Variants in PRKD1 observed in about 807,000 individuals in gnomAD.
PRKD1 encodes protein kinase D1.
PRKD1 carries 63 observed loss-of-function variants against 95.9 expected under a neutral mutation model. That is an observed-to-expected ratio of 0.66 (90% CI 0.54 to 0.81). The LOEUF is 0.81. Among genes scored for constraint, PRKD1 ranks in the 30% least tolerant of loss-of-function variants. The pLI is 0.00. For synonymous variants in PRKD1, 425 were observed against 423.1 expected, an observed-to-expected ratio of 1.00 and a Z score of -0.05; for missense variants, 1,048 against 1,165.3, an observed-to-expected ratio of 0.90 and a Z score of 1.47.
chr14:29,692,661 T>C (rs1247833193), intron 2 of PRKD1, among the ~76,000 whole-genome samples: 2 of 150,980 alleles, frequency 1.3e-5, no homozygotes, highest in Non-Finnish European at 3.0e-5. Context: ...TGTACCCATT[T>C]AAAAAAAAAG....
At chr14:29,925,289 T>C (rs548570116) in intron 1 of PRKD1, among the ~76,000 whole-genome samples, 5 of 152,332 alleles carry the variant, frequency 3.3e-5, no homozygotes, top group Admixed American at 6.5e-5. Flanking sequence ...TTCGGTGCTC[T>C]TTCTGCCATA....
At chr14:29,877,811 A>G (rs1893353343) in intron 1 of PRKD1, among the ~76,000 whole-genome samples, 1 of 152,232 alleles carries the variant, frequency 6.6e-6, no homozygotes, top group Admixed American at 6.5e-5. Flanking sequence ...ATATACCCAA[A>G]GGAATATAAA....
intron 16 of PRKD1, among the ~76,000 whole-genome samples, chr14:29,594,992 C>T (rs1893250322): frequency 6.9e-6 from 1 of 145,730 alleles, no homozygotes; most frequent in Admixed American, 6.9e-5. Flanking sequence ...AGCTAGGTAA[C>T]TTTTTTTTTT....
chr14:29,600,016 A>G (rs1893459115), intron 13 of PRKD1, among the ~76,000 whole-genome samples, 199 bp from the exon 14 acceptor site: 1 of 152,176 alleles, frequency 6.6e-6, no homozygotes, highest in Non-Finnish European at 1.5e-5. Flanking sequence ...TTTACTTTCT[A>G]TGCGTAGTGA....
intron 1 of PRKD1, among the ~76,000 whole-genome samples, chr14:29,814,271 G>A (rs958297726): frequency 6.6e-6 from 1 of 152,176 alleles, no homozygotes; most frequent in African/African-American, 2.4e-5. Context: ...CCCCAGTCAG[G>A]TGTAGGTATG....
intron 2 of PRKD1, among the ~76,000 whole-genome samples, chr14:29,697,768 TAACA>T (rs1884609245): frequency 1.3e-5 from 2 of 152,182 alleles, no homozygotes; most frequent in Admixed American, 6.5e-5. Context: ...TTTTTAACTT[TAACA>T]AACAGTAAGC....
At position 29,927,446 on chromosome 14, in the gene PRKD1, C is replaced by T; in HGVS notation, c.67G>A (p.Ala23Thr). The T allele has an allele frequency of 2.4e-5, 32 of 1,320,294 alleles. No homozygotes were observed. Among genetic ancestry groups the T allele is most frequent in the Non-Finnish European group, 3.1e-5 (32 of 1,038,646 alleles). 81.8% of individuals were successfully genotyped at this position (1,320,294 alleles called of 1,614,324 possible). ...LLPVAAAAAA[A>T]AAALVPGSGP... ...GACCCTGGGACCAGTGCGGCGGCCG[C>T]TGCGGCAGCTGCCGCCGCCACGGGC... The change falls in exon 1 of 18, where the codon GCG becomes ACG. Residue 23 changes from alanine (A) to threonine (T), a missense_variant. Coordinates refer to ENST00000331968, the MANE Select transcript of PRKD1 (RefSeq NM_002742.3).
rs201616182 is a variant in PRKD1, at chr14:29,826,466, A to ATG, written c.264+100782_264+100783insCA. ...TATATACATATATATGATGGAATAT[A>ATG]TATACATATATATGATGGAATATAT... On this transcript the variant is annotated intron_variant, in intron 1 of 17. Transcript: ENST00000331968. Among the ~76,000 whole-genome samples, 67 of 59,786 alleles carry ATG rather than the reference A, an allele frequency of 1.1e-3. 9 individuals carry two copies. The highest frequency in any genetic ancestry group is 3.0e-3 in the Admixed American group (12 of 4,028). 39.2% of individuals were successfully genotyped at this position (59,786 alleles called of 152,430 possible).
intron 1 of PRKD1, among the ~76,000 whole-genome samples, chr14:29,903,154 T>C (rs568801241): frequency 2.0e-5 from 3 of 152,280 alleles, no homozygotes; most frequent in African/African-American, 7.2e-5. Flanking sequence ...GATTAAAATT[T>C]AACAGAGAAT....
intron 1 of PRKD1, among the ~76,000 whole-genome samples, chr14:29,907,257 C>T (rs1260529482): frequency 2.0e-5 from 3 of 152,174 alleles, no homozygotes; most frequent in Non-Finnish European, 4.4e-5. Flanking sequence ...TTCTCCCTAG[C>T]TACATCTTAT....
intron 1 of PRKD1, among the ~76,000 whole-genome samples, chr14:29,753,505 C>T (rs141335143): frequency 4.7e-4 from 72 of 152,184 alleles, no homozygotes; most frequent in African/African-American, 1.6e-3. Flanking sequence ...TGAAACAACA[C>T]GTTTGCCATT....
chr14:29,732,170 A>G (rs1886472956), intron 1 of PRKD1, among the ~76,000 whole-genome samples: 1 of 152,062 alleles, frequency 6.6e-6, no homozygotes, highest in South Asian at 2.1e-4. Context: ...ACTGCGCTGG[A>G]CCAACAATCC....
At chr14:29,856,331 GA>G (rs916395792) in intron 1 of PRKD1, among the ~76,000 whole-genome samples, 2 of 152,068 alleles carry the variant, frequency 1.3e-5, no homozygotes, top group African/African-American at 4.8e-5. Flanking sequence ...TTTGAAAAAA[GA>G]AAAAAATTAA....
At chr14:29,579,565 A>G (rs1226825967) in intron 16 of PRKD1, among the ~76,000 whole-genome samples, 2 of 152,136 alleles carry the variant, frequency 1.3e-5, no homozygotes, top group Non-Finnish European at 2.9e-5. Context: ...ACCTGTATGG[A>G]CCTGAAGATA....
chr14:29,632,810 A>G, intron 9 of PRKD1, 59 bp downstream of exon 9: 1 of 1,454,104 alleles, frequency 6.9e-7, no homozygotes, highest in Non-Finnish European at 9.6e-7. Context: ...CTTATACTCT[A>G]CATTCCCATG....
At chr14:29,800,983 A>C (rs1890004156) in intron 1 of PRKD1, among the ~76,000 whole-genome samples, 1 of 152,192 alleles carries the variant, frequency 6.6e-6, no homozygotes, top group Admixed American at 6.5e-5. Flanking sequence ...TGCAATAAAA[A>C]TGCTAGTGTA....
chr14:29,720,596 AC>A (rs1885840497), intron 2 of PRKD1, among the ~76,000 whole-genome samples: 1 of 151,994 alleles, frequency 6.6e-6, no homozygotes. Context: ...CCTGGCCAAT[AC>A]AGTGAAACCC....
intron 4 of PRKD1, among the ~76,000 whole-genome samples, chr14:29,648,695 C>T (rs1242159513): frequency 6.6e-6 from 1 of 151,802 alleles, no homozygotes; most frequent in Non-Finnish European, 1.5e-5. Flanking sequence ...CGCTCTGTTG[C>T]CCAGGCTAGA....
chr14:29,659,238 C>T, intron 4 of PRKD1, among the ~76,000 whole-genome samples: 1 of 152,160 alleles, frequency 6.6e-6, no homozygotes, highest in Non-Finnish European at 1.5e-5. Context: ...ACTTCATATA[C>T]TGGATTCATA....
Sources: gnomAD v4.1 joint callset for allele counts (sites outside exome capture counted in the v4.1 genomes callset) on GRCh38, gnomAD v4.1.1 for gene constraint, MANE v1.5 for transcripts, NCBI Gene and HGNC (gene_info 2026-07-23, HGNC 2026-07-21) for gene names.